The following GNPTAB variants were observed in gnomAD, a reference collection of about 807,000 sequenced individuals.
GNPTAB encodes the protein N-acetylglucosamine-1-phosphate transferase subunits alpha and beta.
In GNPTAB, 92 loss-of-function variants were observed where a neutral mutation model predicts 136.6. That is an observed-to-expected ratio of 0.67 (90% CI 0.57 to 0.80). GNPTAB has a LOEUF of 0.80. GNPTAB is among the 30% of genes least tolerant of loss of function. The pLI is 0.00. For missense variants in GNPTAB, 1,343 were observed against 1,501.8 expected (o/e 0.89, Z 1.75); for synonymous variants, 512 against 535.1 (o/e 0.96, Z 0.60).
At chr12:101,812,422 T>C (rs1224648157) in intron 1 of GNPTAB, among the ~76,000 whole-genome samples, 2 of 152,070 alleles carry the variant, frequency 1.3e-5, no homozygotes, top group African/African-American at 4.8e-5. Flanking sequence ...ATCCAAACCA[T>C]ATCACCTTGC....
chr12:101,760,364 T>C (rs761742861), intron 15 of GNPTAB, among the ~76,000 whole-genome samples: 13 of 152,186 alleles, frequency 8.5e-5, no homozygotes, highest in Non-Finnish European at 1.5e-4. Flanking sequence ...TTCTGGCCTC[T>C]GAGATACCCA....
At chr12:101,787,144 G>A (rs905890066) in intron 4 of GNPTAB, among the ~76,000 whole-genome samples, 1 of 152,054 alleles carries the variant, frequency 6.6e-6, no homozygotes, top group African/African-American at 2.4e-5. Context: ...GTCCAAGTAG[G>A]GAAGAGAAAC....
At chr12:101,761,447 C>G in intron 14 of GNPTAB, 101 bp from the exon 15 acceptor site, 1 of 1,410,036 alleles carries the variant, frequency 7.1e-7, no homozygotes, top group Non-Finnish European at 1.0e-6. Context: ...TAGATAATAC[C>G]TTTAACATAT....
rs556035680 is a variant in GNPTAB, at chr12:101,786,521, T to C, written c.366-304A>G. On this transcript the variant is annotated intron_variant, in intron 4 of 20. Coordinates refer to ENST00000299314, the MANE Select transcript of GNPTAB (RefSeq NM_024312.5). ...TTCATTACTATCATTTTTTAAAGAT[T>C]ATTCATAATTCCAATAAAGCCCATT... Among the ~76,000 whole-genome samples, 144 of 152,286 alleles carry C rather than the reference T, an allele frequency of 9.5e-4. 1 individual carries two copies. Among genetic ancestry groups the C allele is most frequent in the Non-Finnish European group, 1.9e-3 (130 of 68,020 alleles).
Position 101,761,719 on chromosome 12 carries a change from G to A in GNPTAB, c.2760C>T (p.Ser920=). 1 of 1,613,868 alleles carries A rather than the reference G, an allele frequency of 6.2e-7. No individual in the cohort carries two copies. The change falls in exon 14 of 21, where the codon AGC becomes AGT. Residue 920 remains serine, a synonymous_variant. Coordinates refer to ENST00000299314, the MANE Select transcript of GNPTAB (RefSeq NM_024312.5). Reference sequence around the variant, plus strand: ...CTTTTAGTTGCCTCCCAGTATTTTTGCTATCAGTGAAGTATGCCAATTGTG... The same window carrying A: ...CTTTTAGTTGCCTCCCAGTATTTTTACTATCAGTGAAGTATGCCAATTGTG... ...LKTQLAYFTD[S]KNTGRQLKDT... is the part of the protein sequence containing the mutation.
chr12:101,773,184 T>A (rs1364897747), intron 7 of GNPTAB: 2 of 244,588 alleles, frequency 8.2e-6, no homozygotes, highest in Non-Finnish European at 1.6e-5. Context: ...TAGATCACTT[T>A]CCTCACTTGA....
rs764229793 is a variant in GNPTAB, at chr12:101,761,588, A to G, written c.2891T>C (p.Ile964Thr). The G allele has an allele frequency of 3.7e-6, 6 of 1,614,134 alleles. No homozygotes were observed. Among genetic ancestry groups the G allele is most frequent in the Middle Eastern group, 1.6e-4 (1 of 6,062 alleles). ...PAHMPHMIDR[I>T]VMQELQDMFP... ...CATATCTTGCAGTTCTTGCATAACA[A>G]TCCGGTCAATCATGTGAGGCATGTG... The change falls in exon 14 of 21, where the codon ATT becomes ACT. Residue 964 changes from isoleucine (I) to threonine (T), a missense_variant. Transcript: ENST00000299314.
At chr12:101,823,932 C>CACA (rs1302516779) in intron 1 of GNPTAB, among the ~76,000 whole-genome samples, 13 of 152,308 alleles carry the variant, frequency 8.5e-5, no homozygotes, top group African/African-American at 3.1e-4. Context: ...CTATCACAGA[C>CACA]ACAATGTCAC....
chr12:101,785,373 T>C (rs1001222189), intron 5 of GNPTAB, among the ~76,000 whole-genome samples: 8 of 152,146 alleles, frequency 5.3e-5, no homozygotes, highest in African/African-American at 1.9e-4. Context: ...CAGCTGTGTG[T>C]TTTTTTGGTT....
intron 9 of GNPTAB, 47 bp from the exon 10 acceptor site, chr12:101,770,238 G>C (rs1953151326): frequency 6.2e-7 from 1 of 1,601,322 alleles, no homozygotes; most frequent in African/African-American, 1.3e-5. Flanking sequence ...AGAGCTGTTT[G>C]GGTTTGGTTT....
At chr12:101,784,878 T>C (rs149765984) in intron 5 of GNPTAB, among the ~76,000 whole-genome samples, 160 of 152,110 alleles carry the variant, frequency 1.1e-3, no homozygotes, top group African/African-American at 3.5e-3. Flanking sequence ...ACCTTCCAAA[T>C]AGAGACAATC....
chr12:101,785,253 G>A lies in GNPTAB; in HGVS notation c.571+759C>T, dbSNP rs143156126. ...ATTTATTATTTTGAGGCAAGGCCTC[G>A]TTCTACTGTCCAGGCTGGAGTACTG... On this transcript the variant is annotated intron_variant, in intron 5 of 20. Coordinates refer to ENST00000299314, the MANE Select transcript of GNPTAB (RefSeq NM_024312.5). 3.2e-3 allele frequency among the ~76,000 whole-genome samples: 485 copies of A among 152,270 alleles called. 2 individuals are homozygous for A. Among genetic ancestry groups the A allele is most frequent in the African/African-American group, 0.011 (451 of 41,558 alleles).
intron 5 of GNPTAB, 157 bp downstream of exon 5, chr12:101,785,855 G>A (rs1026337108): frequency 7.8e-6 from 5 of 639,352 alleles, no homozygotes; most frequent in Non-Finnish European, 1.4e-5. Flanking sequence ...TTGAGGTTAA[G>A]GCCAAAATAC....
At chr12:101,788,690 T>A (rs1345344269) in intron 3 of GNPTAB, 101 bp from the exon 4 acceptor site, 19 of 726,290 alleles carry the variant, frequency 2.6e-5, no homozygotes, top group Non-Finnish European at 4.6e-5. Context: ...CATATTTTAT[T>A]AGTAAAACAT....
At chr12:101,801,230 T>C (rs1869602146) in intron 1 of GNPTAB, among the ~76,000 whole-genome samples, 1 of 14,480 alleles carries the variant, frequency 6.9e-5, no homozygotes, top group African/African-American at 3.4e-4. Context: ...AGACCCTGTC[T>C]CAAAAAAAAA....
At chr12:101,790,583 T>C (rs549197938) in intron 2 of GNPTAB, among the ~76,000 whole-genome samples, 29 of 152,140 alleles carry the variant, frequency 1.9e-4, no homozygotes, top group South Asian at 2.1e-4. Flanking sequence ...CTGGGCAACA[T>C]AGTGAGAACC....
At position 101,790,226 on chromosome 12, in the gene GNPTAB, G is replaced by C. The variant is rs985236285; in HGVS notation, c.204-169C>G. ...CATGTTTTCAAACTGTAGCTGGGGG[G>C]CTAATATTTGTCAAGTACCTCCTCT... On this transcript the variant is annotated intron_variant, in intron 2 of 20. Transcript: ENST00000299314. 2.6e-5 allele frequency among the ~76,000 whole-genome samples: 4 copies of C among 152,158 alleles called. No homozygotes were observed. In the East Asian group the frequency reaches 5.8e-4, roughly 22 times the overall value.
At chr12:101,780,482 A>C in intron 6 of GNPTAB, 75 bp downstream of exon 6, 1 of 1,214,628 alleles carries the variant, frequency 8.2e-7, no homozygotes, top group East Asian at 2.5e-5. Flanking sequence ...AAGATTCTCA[A>C]AGAAAAACAG....
intron 7 of GNPTAB, among the ~76,000 whole-genome samples, chr12:101,774,169 G>A (rs150525395): frequency 2.9e-4 from 44 of 152,316 alleles, no homozygotes; most frequent in African/African-American, 9.6e-4. Context: ...GCCAGGGCCT[G>A]GGTAGGCTAC....
Sources: gnomAD v4.1 joint callset for allele counts (sites outside exome capture counted in the v4.1 genomes callset) on GRCh38, gnomAD v4.1.1 for gene constraint, MANE v1.5 for transcripts, NCBI Gene and HGNC (gene_info 2026-07-23, HGNC 2026-07-21) for gene names.